SUPT3H: variants seen among roughly 807,000 people sequenced by gnomAD.
SUPT3H encodes transcription initiation protein SPT3 homolog.
In SUPT3H, 44 loss-of-function variants were observed where a neutral mutation model predicts 44.3. That is an observed-to-expected ratio of 0.99 (90% CI 0.78 to 1.28). The LOEUF is 1.28. Among genes scored for constraint, SUPT3H ranks in the 50% most tolerant of loss-of-function variants. The pLI, the probability that SUPT3H is intolerant of heterozygous loss-of-function variation, is 0.00. For synonymous variants in SUPT3H, 124 were observed against 125.6 expected (o/e 0.99, Z 0.09); for missense variants, 380 against 387.1 (o/e 0.98, Z 0.15).
At chr6:45,278,939 G>A (rs1474366694) in intron 2 of SUPT3H, among the ~76,000 whole-genome samples, 2 of 152,108 alleles carry the variant, frequency 1.3e-5, no homozygotes, top group Non-Finnish European at 2.9e-5. Flanking sequence ...TAGATACAAT[G>A]TAGAATTTTT....
At chr6:44,976,594 C>G (rs1397426773) in intron 6 of SUPT3H, among the ~76,000 whole-genome samples, 1 of 152,120 alleles carries the variant, frequency 6.6e-6, no homozygotes, top group Non-Finnish European at 1.5e-5. Context: ...AACTCCTGAC[C>G]TCAAGTGATC....
chr6:44,918,798 C>T (rs745346745), intron 10 of SUPT3H, among the ~76,000 whole-genome samples: 3 of 152,134 alleles, frequency 2.0e-5, no homozygotes, highest in Non-Finnish European at 4.4e-5. Context: ...GGGTCTGGTG[C>T]TAACGAAATC....
intron 3 of SUPT3H, among the ~76,000 whole-genome samples, chr6:45,031,876 G>A (rs1014544367): frequency 1.3e-5 from 2 of 152,150 alleles, no homozygotes; most frequent in Middle Eastern, 3.2e-3. Flanking sequence ...AGGAAGTATG[G>A]GGTTGGGTTC....
intron 3 of SUPT3H, among the ~76,000 whole-genome samples, chr6:45,035,367 G>C (rs1210201837): frequency 6.6e-6 from 1 of 152,046 alleles, no homozygotes; most frequent in African/African-American, 2.4e-5. Context: ...TGTATACAAA[G>C]TGTCTGGTAC....
chr6:45,025,989 G>A (rs552605238), intron 3 of SUPT3H, among the ~76,000 whole-genome samples: 1 of 152,170 alleles, frequency 6.6e-6, no homozygotes, highest in East Asian at 1.9e-4. Flanking sequence ...TTTCTTTTAG[G>A]TTTTGCCTAA....
At chr6:45,359,743 T>C (rs1256717673) in intron 2 of SUPT3H, among the ~76,000 whole-genome samples, 1 of 152,184 alleles carries the variant, frequency 6.6e-6, no homozygotes, top group Non-Finnish European at 1.5e-5. Context: ...ACAAATGCTA[T>C]GATAATATAA....
chr6:45,142,866 A>G (rs1276180631), intron 2 of SUPT3H, among the ~76,000 whole-genome samples: 3 of 151,882 alleles, frequency 2.0e-5, no homozygotes, highest in African/African-American at 4.8e-5. Context: ...GAGTGGAAAG[A>G]TATTTCACGC....
chr6:45,171,836 GC>G (rs1392366468), intron 2 of SUPT3H, among the ~76,000 whole-genome samples: 1 of 143,216 alleles, frequency 7.0e-6, no homozygotes, highest in African/African-American at 2.6e-5. Flanking sequence ...TCCTGCCTCA[GC>G]CTCCTAAGTA....
At chr6:45,112,123 T>C (rs1583601937) in intron 2 of SUPT3H, among the ~76,000 whole-genome samples, 1 of 152,294 alleles carries the variant, frequency 6.6e-6, no homozygotes, top group East Asian at 1.9e-4. Flanking sequence ...AGAAACCTTT[T>C]CAGAAACTTT....
rs746933715 is a variant in SUPT3H at position 44,932,742 on chromosome 6, C to G, written c.823G>C (p.Glu275Gln). The change falls in exon 10 of 11, where the codon GAG becomes CAG. Residue 275 changes from glutamate to glutamine, a missense_variant. By Grantham distance (29) the Glu-to-Gln change is conservative. Transcript: ENST00000371459. Reference sequence around the variant, plus strand: ...GGCTGGATGGCATCGCTGTGAGCCTCAACACCACAGGCTGCAGTGCTCTGC... The same window carrying G: ...GGCTGGATGGCATCGCTGTGAGCCTGAACACCACAGGCTGCAGTGCTCTGC... ...SAESTAACGV[E>Q]AHSDAIQPCH... is the part of the protein sequence containing the mutation. 1 of 1,608,906 alleles carries G rather than the reference C, an allele frequency of 6.2e-7. No individual in the cohort carries two copies.
intron 2 of SUPT3H, among the ~76,000 whole-genome samples, chr6:45,181,213 A>G (rs1179379579): frequency 1.9e-5 from 2 of 106,684 alleles, no homozygotes; most frequent in East Asian, 3.9e-4. Flanking sequence ...AAGTCAGGAA[A>G]CAACACGTGC....
rs116615309 is a variant in SUPT3H at position 44,849,052 on chromosome 6, G to A, written c.913-19195C>T. ...TAGGCTAAGTCATAGCTGAAGCACT[G>A]GGTACCATACATGGGAGCAGTTTAA... On this transcript the variant is annotated intron_variant, in intron 10 of 10. Coordinates refer to ENST00000371459, the MANE Select transcript of SUPT3H (RefSeq NM_003599.4). Among the ~76,000 whole-genome samples the A allele has an allele frequency of 6.5e-3, 990 of 152,210 alleles. 12 individuals are homozygous for A. Among genetic ancestry groups the A allele is most frequent in the African/African-American group, 0.023 (935 of 41,534 alleles).
At chr6:44,955,600 G>C (rs1168221309) in intron 7 of SUPT3H, 1 of 152,368 alleles carries the variant, frequency 6.6e-6, no homozygotes, top group African/African-American at 2.4e-5. Context: ...TCTGAGCTCA[G>C]ACATGCCTAA....
intron 3 of SUPT3H, among the ~76,000 whole-genome samples, chr6:45,037,146 T>C (rs1787788184): frequency 6.6e-6 from 1 of 152,084 alleles, no homozygotes. Context: ...GCAAATATAG[T>C]ACCATACACA....
intron 4 of SUPT3H, among the ~76,000 whole-genome samples, chr6:45,017,044 T>C (rs1784396166): frequency 6.6e-6 from 1 of 151,598 alleles, no homozygotes; most frequent in South Asian, 2.1e-4. Flanking sequence ...TTCTAACTGG[T>C]GTGAGATGGT....
At chr6:45,117,088 T>C (rs1800955784) in intron 2 of SUPT3H, among the ~76,000 whole-genome samples, 1 of 152,140 alleles carries the variant, frequency 6.6e-6, no homozygotes, top group African/African-American at 2.4e-5. Context: ...TTGATTTATA[T>C]ATTTAGGTCC....
rs996322979 is a variant in SUPT3H at position 45,250,292 on chromosome 6, T to C, written c.101+114909A>G. The stretch of plus-strand genomic sequence containing the variant: ...TGACAAATATCTAAGGCAGACAGAA[T>C]CTTACATCTATGAAAAGACCCCAGA... On this transcript the variant is annotated intron_variant, in intron 2 of 10. Transcript: ENST00000371459. 3.3e-5 allele frequency among the ~76,000 whole-genome samples: 5 copies of C among 150,898 alleles called. No homozygotes were observed. In the South Asian group the frequency reaches 1.0e-3, roughly 32 times the overall value.
chr6:45,377,574 C>T (rs1278107936), intron 1 of SUPT3H, among the ~76,000 whole-genome samples, 194 bp downstream of exon 1: 1 of 152,116 alleles, frequency 6.6e-6, no homozygotes, highest in Non-Finnish European at 1.5e-5. Context: ...GCCCGGCCAG[C>T]GCCTCCCACA....
In SUPT3H at chr6:44,833,924, C is replaced by T. The variant is rs898952221; in HGVS notation, c.913-4067G>A. Among the ~76,000 whole-genome samples the T allele has an allele frequency of 5.3e-5, 8 of 152,246 alleles. No homozygotes were observed. In the East Asian group the frequency reaches 5.8e-4, roughly 11 times the overall value. ...CTAAATCAGCCAGGTATAATACTTC[C>T]GAGTACAGACAATGGACCTTAAATC... On this transcript the variant is annotated intron_variant, in intron 10 of 10. Transcript: ENST00000371459.
Sources: gnomAD v4.1 joint callset for allele counts (sites outside exome capture counted in the v4.1 genomes callset) on GRCh38, gnomAD v4.1.1 for gene constraint, MANE v1.5 for transcripts, NCBI Gene and HGNC (gene_info 2026-07-23, HGNC 2026-07-21) for gene names.